Variants in DCAF7 observed in about 807,000 individuals in gnomAD.
DCAF7 encodes DDB1- and CUL4-associated factor 7.
DCAF7 carries 4 observed loss-of-function variants against 41.2 expected under a neutral mutation model. The observed-to-expected ratio is 0.10, with a 90% CI of 0.05 to 0.22. DCAF7 has a LOEUF of 0.22. DCAF7 is among the 10% of genes least tolerant of loss of function. The pLI is 1.00. For missense variants in DCAF7, 131 were observed against 443.2 expected (o/e 0.30, Z 6.32); for synonymous variants, 143 against 164.2 (o/e 0.87, Z 0.99).
chr17:63,573,730 CA>C (rs60576809), intron 1 of DCAF7, among the ~76,000 whole-genome samples: 6,712 of 112,236 alleles, frequency 0.06, 346 homozygotes, highest in African/African-American at 0.17. Context: ...AAATCCGTCT[CA>C]AAAAAAAAAA....
intron 4 of DCAF7, among the ~76,000 whole-genome samples, chr17:63,580,971 G>A (rs936417421): frequency 6.6e-6 from 1 of 152,164 alleles, no homozygotes; most frequent in African/African-American, 2.4e-5. Context: ...ACAGCTAGGG[G>A]TATTAATATC....
In DCAF7 at chr17:63,592,386, CAG is replaced by C. The variant is rs1199688291; in HGVS notation, c.*3217_*3218del. ...TGCCACTGCACTCCAGCCTGGGCGA[CAG>C]AGCAAGACTCCGTCTCAAAAAATAA... On this transcript the variant is annotated 3_prime_UTR_variant, in exon 7 of 7. Coordinates refer to ENST00000614556, the MANE Select transcript of DCAF7 (RefSeq NM_005828.5). The C allele has an allele frequency of 6.9e-6, 1 of 145,500 alleles. No individual in the cohort carries two copies. The highest frequency in any genetic ancestry group is 1.5e-5 in the Non-Finnish European group (1 of 66,746). 9.0% of individuals were successfully genotyped at this position (145,500 alleles called of 1,614,324 possible). A position where few individuals can be genotyped will look rare whatever the true frequency, so the allele number is the denominator to read the frequency against.
At chr17:63,586,166 T>C (rs981982239) in intron 6 of DCAF7, among the ~76,000 whole-genome samples, 2 of 145,936 alleles carry the variant, frequency 1.4e-5, no homozygotes, top group African/African-American at 2.6e-5. Context: ...CTTAAAAATA[T>C]GTTGGGCCAG....
At chr17:63,551,303 T>TCCCTCC (rs772481367) in intron 1 of DCAF7, among the ~76,000 whole-genome samples, 2 of 79,568 alleles carry the variant, frequency 2.5e-5, no homozygotes, top group Non-Finnish European at 2.8e-5. Flanking sequence ...CGCCCCCTAC[T>TCCCTCC]CCCACCCCCC....
intron 1 of DCAF7, among the ~76,000 whole-genome samples, chr17:63,558,669 T>C (rs1021920183): frequency 6.6e-6 from 1 of 152,144 alleles, no homozygotes; most frequent in Admixed American, 6.5e-5. Flanking sequence ...TTGCTCAGAC[T>C]GGTCTTGAGC....
intron 6 of DCAF7, among the ~76,000 whole-genome samples, chr17:63,587,850 G>A (rs999236672): frequency 6.6e-6 from 1 of 151,702 alleles, no homozygotes; most frequent in Non-Finnish European, 1.5e-5. Context: ...GCCAGGTGCG[G>A]TGGTTCATGC....
At chr17:63,581,385 G>T (rs112893214) in intron 4 of DCAF7, among the ~76,000 whole-genome samples, 33 of 152,230 alleles carry the variant, frequency 2.2e-4, no homozygotes, top group African/African-American at 7.5e-4. Context: ...CACATAGGTA[G>T]CAGTGAGGTC....
In DCAF7 at chr17:63,594,191, A is replaced by G. The variant is rs1187578085; in HGVS notation, c.*5019A>G. 4 of 152,544 alleles carry G rather than the reference A, an allele frequency of 2.6e-5. No individual in the cohort carries two copies. Among genetic ancestry groups the G allele is most frequent in the African/African-American group, 9.7e-5 (4 of 41,428 alleles). 9.4% of individuals were successfully genotyped at this position (152,544 alleles called of 1,614,324 possible). The stretch of plus-strand genomic sequence containing the variant: ...AATTAAACCTAATTTTCACCCTTTC[A>G]TTCTGTTTCAGCCTCCTGTATAAGA... On this transcript the variant is annotated 3_prime_UTR_variant, in exon 7 of 7. Coordinates refer to ENST00000614556, the MANE Select transcript of DCAF7 (RefSeq NM_005828.5).
At chr17:63,553,322 T>C (rs1388183616) in intron 1 of DCAF7, among the ~76,000 whole-genome samples, 1 of 152,208 alleles carries the variant, frequency 6.6e-6, no homozygotes, top group Non-Finnish European at 1.5e-5. Context: ...CATACCACTG[T>C]GAGCACCTGA....
intron 1 of DCAF7, among the ~76,000 whole-genome samples, chr17:63,561,945 A>G (rs1174185933): frequency 6.6e-6 from 1 of 151,698 alleles, no homozygotes. Context: ...ATAAGGGGTA[A>G]AGGAGGGCCA....
chr17:63,565,525 C>A (rs1047645053), intron 1 of DCAF7, among the ~76,000 whole-genome samples: 2 of 151,988 alleles, frequency 1.3e-5, no homozygotes, highest in Non-Finnish European at 2.9e-5. Context: ...AAGATCGCAC[C>A]ATTGCACTCC....
rs757043773 is a variant in DCAF7, at chr17:63,579,868, G to A, written c.453G>A (p.Glu151=). 6.2e-7 allele frequency: 1 copy of A among 1,613,968 alleles called. No homozygotes were observed. The highest frequency in any genetic ancestry group is 8.5e-7 in the Non-Finnish European group (1 of 1,179,866). The change falls in exon 4 of 7, where the codon GAG becomes GAA. Residue 151 remains glutamate, a synonymous_variant. Transcript: ENST00000614556. Reference sequence around the variant, plus strand: ...CGACATGCACCATCTGGGGGCTGGAGACAGGGCAGGTGTTAGGGCGAGTGA... The same window carrying A: ...CGACATGCACCATCTGGGGGCTGGAAACAGGGCAGGTGTTAGGGCGAGTGA... The part of the protein sequence containing the change: ...IDTTCTIWGL[E]TGQVLGRVNL...
intron 1 of DCAF7, among the ~76,000 whole-genome samples, chr17:63,576,378 G>C (rs547355234): frequency 6.6e-6 from 1 of 152,080 alleles, no homozygotes; most frequent in African/African-American, 2.4e-5. Context: ...CCAAGGAGGT[G>C]GAGGTTGCCG....
rs149706712 is a variant in DCAF7 at position 63,590,154 on chromosome 17, A to G, written c.*982A>G. ...GGCCATTCCACTTAGTGTCTTTTCA[A>G]TGATAGGCAAGAATGATATCTGAGT... On this transcript the variant is annotated 3_prime_UTR_variant, in exon 7 of 7. Coordinates refer to ENST00000614556, the MANE Select transcript of DCAF7 (RefSeq NM_005828.5). 3 of 152,674 alleles carry G rather than the reference A, an allele frequency of 2.0e-5. No individual in the cohort carries two copies. Among genetic ancestry groups the G allele is most frequent in the African/African-American group, 7.2e-5 (3 of 41,524 alleles). The allele number at this position is 152,674 out of a possible 1,614,324, so 9.5% of individuals were successfully genotyped here. A position where few individuals can be genotyped will look rare whatever the true frequency, so the allele number is the denominator to read the frequency against.
chr17:63,552,448 T>C (rs927583462), intron 1 of DCAF7: 1 of 152,226 alleles, frequency 6.6e-6, no homozygotes, highest in Non-Finnish European at 1.5e-5. Context: ...GTCCACCCAT[T>C]GCCCGGGCGA....
intron 1 of DCAF7, among the ~76,000 whole-genome samples, chr17:63,574,164 A>C (rs1437534105): frequency 6.6e-6 from 1 of 151,916 alleles, no homozygotes; most frequent in South Asian, 2.1e-4. Flanking sequence ...TGTTCTACCT[A>C]CCTGGGATGC....
chr17:63,587,652 G>T (rs1293324202), intron 6 of DCAF7, among the ~76,000 whole-genome samples: 1 of 152,174 alleles, frequency 6.6e-6, no homozygotes, highest in Non-Finnish European at 1.5e-5. Flanking sequence ...TGCGGCCTTG[G>T]CAGGAGACTA....
At chr17:63,560,210 T>C (rs2033366177) in intron 1 of DCAF7, among the ~76,000 whole-genome samples, 1 of 152,214 alleles carries the variant, frequency 6.6e-6, no homozygotes, top group Admixed American at 6.5e-5. Flanking sequence ...CTACTGTGTG[T>C]GTGTGTATAC....
intron 4 of DCAF7, among the ~76,000 whole-genome samples, chr17:63,580,643 G>A (rs911696659): frequency 7.3e-5 from 11 of 151,114 alleles, no homozygotes; most frequent in Admixed American, 6.6e-4. Flanking sequence ...CTCAGCTTCC[G>A]GAGTAGCTGA....
Sources: gnomAD v4.1 joint callset for allele counts (sites outside exome capture counted in the v4.1 genomes callset) on GRCh38, gnomAD v4.1.1 for gene constraint, MANE v1.5 for transcripts, NCBI Gene and HGNC (gene_info 2026-07-23, HGNC 2026-07-21) for gene names.